The following PADI6 variants were observed in gnomAD, a reference collection of about 807,000 sequenced individuals.
The protein encoded by PADI6 is inactive protein-arginine deiminase type-6.
A neutral mutation model predicts 78.2 loss-of-function variants in PADI6; 66 were observed. That is an observed-to-expected ratio of 0.84 (90% confidence interval 0.69 to 1.04). The LOEUF (loss-of-function observed/expected upper bound fraction) is 1.04. Among genes scored for constraint, PADI6 ranks in the 50% least tolerant of loss-of-function variants. The probability of loss-of-function intolerance (pLI) is 0.00; values close to 1 mark genes in which losing one functional copy is unlikely to be tolerated. For synonymous variants in PADI6, 397 were observed against 346.9 expected, an observed-to-expected ratio of 1.14 and a Z score of -1.60; for missense variants, 854 against 866.1, an observed-to-expected ratio of 0.99 and a Z score of 0.18.
chr1:17,381,689 C>A (rs2075074418), intron 5 of PADI6, among the ~76,000 whole-genome samples: 1 of 152,160 alleles, frequency 6.6e-6, no homozygotes, highest in Admixed American at 6.5e-5. Context: ...ACAAGGTGAA[C>A]CTTCACTGAA....
chr1:17,378,958 G>C lies in PADI6; in HGVS notation c.368-962G>C, dbSNP rs944227730. Among the ~76,000 whole-genome samples the C allele has an allele frequency of 5.6e-5, 8 of 143,692 alleles. No individual in the cohort carries two copies. In the South Asian group the frequency reaches 8.9e-4, roughly 16 times the overall value. 94.3% of individuals were successfully genotyped at this position (143,692 alleles called of 152,430 possible). ...TTGTCATGTATTGAATTTTTTTTGGGGGGGGGGACAGAATCTTGCTCTGTC... is the reference window on the plus strand; with the variant it reads ...TTGTCATGTATTGAATTTTTTTTGGCGGGGGGGACAGAATCTTGCTCTGTC... On this transcript the variant is annotated intron_variant, in intron 3 of 15. Coordinates refer to ENST00000619609, the MANE Select transcript of PADI6 (RefSeq NM_207421.4).
chr1:17,382,296 A>T (rs1241808203), intron 6 of PADI6, among the ~76,000 whole-genome samples: 1 of 152,126 alleles, frequency 6.6e-6, no homozygotes, highest in Non-Finnish European at 1.5e-5. Flanking sequence ...CACATGGGTG[A>T]GTTATTGCAC....
intron 6 of PADI6, 122 bp from the exon 7 acceptor site, chr1:17,388,259 C>CA (rs1451647191): frequency 2.4e-5 from 22 of 926,220 alleles, no homozygotes; most frequent in Non-Finnish European, 3.3e-5. Flanking sequence ...CATTTCAGCT[C>CA]CAGCCCTCCT....
chr1:17,386,913 A>G (rs1240118791), intron 6 of PADI6, among the ~76,000 whole-genome samples: 1 of 152,210 alleles, frequency 6.6e-6, no homozygotes, highest in Non-Finnish European at 1.5e-5. Flanking sequence ...AGATGGAGGC[A>G]GCTGGCAGTG....
At chr1:17,378,152 G>T (rs751829244) in intron 3 of PADI6, among the ~76,000 whole-genome samples, 1 of 152,020 alleles carries the variant, frequency 6.6e-6, no homozygotes, top group Non-Finnish European at 1.5e-5. Context: ...GTAAACTTGG[G>T]CTCCCTTGAT....
intron 4 of PADI6, among the ~76,000 whole-genome samples, chr1:17,380,646 G>A (rs1281216579): frequency 2.0e-5 from 3 of 151,770 alleles, no homozygotes; most frequent in Admixed American, 6.6e-5. Flanking sequence ...ACTGGGATCA[G>A]AACTGATTAA....
rs12073549 is a variant in PADI6 at position 17,394,049 on chromosome 1, C to T, written c.1149C>T (p.Ala383=). ...TSLILDTPQA[A]DLDEFPMKYS... is the part of the protein sequence containing the mutation. The stretch of plus-strand genomic sequence containing the variant: ...TGATCCTCGACACACCTCAGGCCGC[C>T]GATCTCGATGAGTTCCCCATGAAGT... Residue 383 remains alanine (A), a synonymous_variant, in exon 10 of 16, where the codon GCC becomes GCT. Coordinates refer to ENST00000619609, the MANE Select transcript of PADI6 (RefSeq NM_207421.4). 209,115 of 1,613,552 alleles carry T rather than the reference C, an allele frequency of 0.13. 14,192 individuals carry two copies. The highest frequency in any genetic ancestry group is 0.18 in the Admixed American group (10,717 of 59,980).
chr1:17,387,887 A>G (rs2075137064), intron 6 of PADI6, among the ~76,000 whole-genome samples: 1 of 152,218 alleles, frequency 6.6e-6, no homozygotes, highest in Non-Finnish European at 1.5e-5. Context: ...AATCATAAGA[A>G]CACTTGGTTT....
At position 17,373,113 on chromosome 1, in the gene PADI6, C is replaced by T. The variant is rs550051571; in HGVS notation, c.174C>T (p.Ile58=). ...TCCATGGCTCTGGGAGGGTCTTGATCGATGTGGCCAACACGGTGATTTCTG... is the reference window on the plus strand; with the variant it reads ...TCCATGGCTCTGGGAGGGTCTTGATTGATGTGGCCAACACGGTGATTTCTG... The part of the protein sequence containing the change: ...FTIHGSGRVL[I]DVANTVISEK... The change falls in exon 2 of 16, where the codon ATC becomes ATT. Residue 58 remains isoleucine (I), a synonymous_variant. Transcript: ENST00000619609. The T allele has an allele frequency of 6.8e-6, 11 of 1,613,872 alleles. No individual in the cohort carries two copies. Among genetic ancestry groups the T allele is most frequent in the South Asian group, 4.4e-5 (4 of 91,084 alleles).
At chr1:17,382,230 G>A (rs929258469) in intron 6 of PADI6, 138 bp downstream of exon 6, 6 of 1,150,436 alleles carry the variant, frequency 5.2e-6, no homozygotes, top group African/African-American at 1.6e-5. Flanking sequence ...TGTTGTGGCT[G>A]TACTTGTGTT....
chr1:17,396,618 A>C (rs944972741), intron 13 of PADI6, among the ~76,000 whole-genome samples: 4 of 151,894 alleles, frequency 2.6e-5, no homozygotes, highest in African/African-American at 9.7e-5. Context: ...CATGAACCAC[A>C]TGACAAAGAC....
chr1:17,373,109 TGATC>T lies in PADI6; in HGVS notation c.174_177del (p.Ile58MetfsTer6). The T allele has an allele frequency of 1.2e-6, 2 of 1,613,956 alleles. No homozygotes were observed. The highest frequency in any genetic ancestry group is 4.5e-5 in the East Asian group (2 of 44,888). On this transcript the variant is annotated frameshift_variant, in exon 2 of 16. Transcript: ENST00000619609. LOFTEE classifies it high-confidence loss of function. ...ACCATCCATGGCTCTGGGAGGGTCT[TGATC>T]GATGTGGCCAACACGGTGATTTCTG... is the stretch of plus-strand genomic sequence containing the variant.
chr1:17,394,095 G>T lies in PADI6; in HGVS notation c.1182+13G>T. ...GAAGTACTCACTGGTGTGGAACTTGGTTTGGCTAATCTGAGCTCAGTCCAA... is the reference window on the plus strand; with the variant it reads ...GAAGTACTCACTGGTGTGGAACTTGTTTTGGCTAATCTGAGCTCAGTCCAA... On this transcript the variant is annotated intron_variant, in intron 10 of 15. Coordinates refer to ENST00000619609, the MANE Select transcript of PADI6 (RefSeq NM_207421.4). The T allele has an allele frequency of 6.2e-7, 1 of 1,610,238 alleles. No individual in the cohort carries two copies. Among genetic ancestry groups the T allele is most frequent in the East Asian group, 2.2e-5 (1 of 44,858 alleles).
At chr1:17,390,475 A>T (rs939771219) in intron 8 of PADI6, among the ~76,000 whole-genome samples, 2 of 150,824 alleles carry the variant, frequency 1.3e-5, no homozygotes, top group African/African-American at 4.9e-5. Context: ...ATGGTGGTGC[A>T]CCCCAGTAAT....
chr1:17,401,472 CGTG>C lies in PADI6; in HGVS notation c.*36_*38del. 6.4e-7 allele frequency: 1 copy of C among 1,561,872 alleles called. No homozygotes were observed. The highest frequency in any genetic ancestry group is 8.8e-7 in the Non-Finnish European group (1 of 1,137,964). ...CCTGGAGCTGCCAGCTCTGCCCCAG[CGTG>C]GATGGCCCACTGTCACCATGCAACA... On this transcript the variant is annotated 3_prime_UTR_variant, in exon 16 of 16. Coordinates refer to ENST00000619609, the MANE Select transcript of PADI6 (RefSeq NM_207421.4).
chr1:17,373,518 T>A (rs1449312025), intron 2 of PADI6, among the ~76,000 whole-genome samples: 1 of 135,810 alleles, frequency 7.4e-6, no homozygotes, highest in Non-Finnish European at 1.6e-5. Context: ...TTTTTTTGAG[T>A]CTCACGCTCA....
chr1:17,391,138 C>T (rs780224462), intron 8 of PADI6, among the ~76,000 whole-genome samples: 4 of 152,154 alleles, frequency 2.6e-5, no homozygotes, highest in Non-Finnish European at 4.4e-5. Context: ...GACTACAGTC[C>T]CAATTTCAAT....
At chr1:17,397,961 C>T (rs2075262707) in intron 14 of PADI6, among the ~76,000 whole-genome samples, 1 of 152,038 alleles carries the variant, frequency 6.6e-6, no homozygotes, top group Non-Finnish European at 1.5e-5. Flanking sequence ...ATGAAGTGGC[C>T]CATCACAGCA....
At chr1:17,389,122 G>T (rs1461136829) in intron 8 of PADI6, among the ~76,000 whole-genome samples, 1 of 152,178 alleles carries the variant, frequency 6.6e-6, no homozygotes, top group African/African-American at 2.4e-5. Context: ...AAACGGCATG[G>T]TTTTAAACAG....
Sources: allele counts gnomAD v4.1 joint callset (sites outside exome capture counted in the v4.1 genomes callset), GRCh38; gene constraint gnomAD v4.1.1; transcripts MANE v1.5; gene names NCBI Gene and HGNC (gene_info 2026-07-23, HGNC 2026-07-21).